The following FGF2 variants were observed in gnomAD, a reference collection of about 807,000 sequenced individuals.
FGF2 encodes the protein fibroblast growth factor 2.
Under a neutral mutation model 15.9 loss-of-function variants are expected in FGF2, and 13 were observed. The ratio of observed to expected loss-of-function variants is 0.82; its 90% CI spans 0.53 to 1.30. FGF2 has a LOEUF of 1.30. FGF2 is among the 50% of genes most tolerant of loss of function. The pLI, the probability that FGF2 is intolerant of heterozygous loss-of-function variation, is 0.00. For synonymous variants in FGF2, 90 were observed against 78.4 expected (o/e 1.15, Z -0.78); for missense variants, 163 against 196.9 (o/e 0.83, Z 1.03).
chr4:122,854,295 T>A (rs889923079), intron 1 of FGF2, among the ~76,000 whole-genome samples: 6 of 152,260 alleles, frequency 3.9e-5, no homozygotes, highest in African/African-American at 1.4e-4. Context: ...GTGCATTTCC[T>A]TTCCAAAAAC....
chr4:122,827,077 C>T lies in FGF2; in HGVS notation c.-98C>T, dbSNP rs953912785. On this transcript the variant is annotated 5_prime_UTR_variant, in exon 1 of 3. Transcript: ENST00000644866. The surrounding 1 kb of genome is among the most constrained non-coding windows in gnomAD (Gnocchi z 4.2). The stretch of plus-strand genomic sequence containing the variant: ...CTGGGGGGCCGGGGCCGGGGCCGTG[C>T]CCCGGAGCGGGTCGGAGGCCGGGGC... 1 of 1,138,822 alleles carries T rather than the reference C, an allele frequency of 8.8e-7. No individual in the cohort carries two copies. The highest frequency in any genetic ancestry group is 1.1e-6 in the Non-Finnish European group (1 of 929,608). 70.5% of individuals were successfully genotyped at this position (1,138,822 alleles called of 1,614,324 possible).
intron 1 of FGF2, among the ~76,000 whole-genome samples, chr4:122,851,107 A>T (rs1019234176): frequency 4.6e-5 from 7 of 152,124 alleles, no homozygotes; most frequent in Non-Finnish European, 8.8e-5. Context: ...TTTTAGTATT[A>T]TTTCAACCTG....
intron 1 of FGF2, among the ~76,000 whole-genome samples, chr4:122,831,223 C>T (rs1320024175): frequency 6.6e-6 from 1 of 152,178 alleles, no homozygotes; most frequent in Non-Finnish European, 1.5e-5. Flanking sequence ...CCCTTGCCTT[C>T]TCTTCCTGCC....
rs185995561 is a variant in FGF2, at chr4:122,830,049, T to A, written c.178+2697T>A. Among the ~76,000 whole-genome samples the A allele has an allele frequency of 6.6e-5, 10 of 152,356 alleles. No homozygotes were observed. The East Asian group carries it at 1.7e-3, about 26-fold the overall frequency. On this transcript the variant is annotated intron_variant, in intron 1 of 2. Transcript: ENST00000644866. ...CTATGGTCTCATTCCTCAGACTGTT[T>A]TGTCCAACTGACCTGAACATCTGTC...
intron 1 of FGF2, among the ~76,000 whole-genome samples, chr4:122,862,697 A>G (rs1726497480): frequency 6.6e-6 from 1 of 152,360 alleles, no homozygotes; most frequent in Admixed American, 6.5e-5. Flanking sequence ...TTGTGTAATG[A>G]TAAGGCTAAG....
intron 2 of FGF2, among the ~76,000 whole-genome samples, chr4:122,881,695 C>T (rs1726963323): frequency 6.6e-6 from 1 of 152,188 alleles, no homozygotes; most frequent in Non-Finnish European, 1.5e-5. Context: ...TCCAAACTTT[C>T]CCACATTTTC....
chr4:122,876,257 A>T, intron 1 of FGF2, 64 bp from the exon 2 acceptor site: 1 of 977,386 alleles, frequency 1.0e-6, no homozygotes, highest in Non-Finnish European at 1.7e-6. Flanking sequence ...TATATTGCGT[A>T]AATATTGTGA....
At chr4:122,854,081 G>A (rs1726289106) in intron 1 of FGF2, among the ~76,000 whole-genome samples, 1 of 152,156 alleles carries the variant, frequency 6.6e-6, no homozygotes, top group Non-Finnish European at 1.5e-5. Context: ...AGATATACTA[G>A]GAACATGGGG....
intron 1 of FGF2, among the ~76,000 whole-genome samples, chr4:122,858,307 A>T (rs775187817): frequency 6.6e-6 from 1 of 152,084 alleles, no homozygotes; most frequent in Non-Finnish European, 1.5e-5. Flanking sequence ...TTTGTAATTT[A>T]TCTGATTATT....
At chr4:122,833,630 C>G (rs1193751158) in intron 1 of FGF2, among the ~76,000 whole-genome samples, 12 of 152,016 alleles carry the variant, frequency 7.9e-5, no homozygotes, top group African/African-American at 2.9e-4. Context: ...TCATAAAAAG[C>G]TCAGTACTTT....
rs1394793361 is a variant in FGF2, at chr4:122,892,654, G to A, written c.*258G>A. On this transcript the variant is annotated 3_prime_UTR_variant, in exon 3 of 3. Coordinates refer to ENST00000644866, the MANE Select transcript of FGF2 (RefSeq NM_001361665.2). ...TACCTAGAGCAATGATCTTTTTCACGCATTTGCTTTATTCGAAAAGAGGCT... is the reference window on the plus strand; with the variant it reads ...TACCTAGAGCAATGATCTTTTTCACACATTTGCTTTATTCGAAAAGAGGCT... 8 of 1,399,534 alleles carry A rather than the reference G, an allele frequency of 5.7e-6. No homozygotes were observed. The highest frequency in any genetic ancestry group is 2.5e-5 in the East Asian group (1 of 39,602). The allele number at this position is 1,399,534 out of a possible 1,614,324, so 86.7% of individuals were successfully genotyped here. A position where few individuals can be genotyped will look rare whatever the true frequency, so the allele number is the denominator to read the frequency against.
chr4:122,853,758 T>A (rs308442), intron 1 of FGF2, among the ~76,000 whole-genome samples: 68,566 of 152,088 alleles, frequency 0.45, 19,812 homozygotes, highest in African/African-American at 0.83. Flanking sequence ...TGCTTGATAC[T>A]CAATGAGTGC....
At chr4:122,826,820 G>A (rs1339295549), upstream of FGF2, 2 of 1,457,670 alleles carry the variant, frequency 1.4e-6, no homozygotes, top group South Asian at 1.4e-5. Flanking sequence ...TGACGCCGCG[G>A]CCCGGCGGGT....
rs1227177922 is a variant in FGF2, at chr4:122,893,290, A to G, written c.*894A>G. The G allele has an allele frequency of 6.9e-7, 1 of 1,456,380 alleles. No individual in the cohort carries two copies. Among genetic ancestry groups the G allele is most frequent in the East Asian group, 2.3e-5 (1 of 43,570 alleles). 90.2% of individuals were successfully genotyped at this position (1,456,380 alleles called of 1,614,324 possible). A position where few individuals can be genotyped will look rare whatever the true frequency, so the allele number is the denominator to read the frequency against. Reference sequence around the variant, plus strand: ...ACTTTTAGAAACTGTATCATCAAAGATTTTCAGTTAAAGTAGCATTATGTA... The same window carrying G: ...ACTTTTAGAAACTGTATCATCAAAGGTTTTCAGTTAAAGTAGCATTATGTA... On this transcript the variant is annotated 3_prime_UTR_variant, in exon 3 of 3. Coordinates refer to ENST00000644866, the MANE Select transcript of FGF2 (RefSeq NM_001361665.2).
chr4:122,892,520 T>C lies in FGF2; in HGVS notation c.*124T>C. On this transcript the variant is annotated 3_prime_UTR_variant, in exon 3 of 3. Coordinates refer to ENST00000644866, the MANE Select transcript of FGF2 (RefSeq NM_001361665.2). ...TTTGGATAATTGGTCAAACAATTTT[T>C]TATCCAGTAGTAAAATATGTAACCA... 6.6e-7 allele frequency: 1 copy of C among 1,525,510 alleles called. No homozygotes were observed. Among genetic ancestry groups the C allele is most frequent in the Non-Finnish European group, 8.8e-7 (1 of 1,138,590 alleles). 94.5% of individuals were successfully genotyped at this position (1,525,510 alleles called of 1,614,324 possible). A position where few individuals can be genotyped will look rare whatever the true frequency, so the allele number is the denominator to read the frequency against.
intron 2 of FGF2, among the ~76,000 whole-genome samples, chr4:122,878,860 G>T (rs1726908369): frequency 1.3e-5 from 2 of 152,170 alleles, no homozygotes. Flanking sequence ...GTTTGGGTGA[G>T]AAGGTAGACG....
intron 2 of FGF2, chr4:122,888,713 C>G (rs1386340603): frequency 6.6e-6 from 1 of 152,236 alleles, no homozygotes; most frequent in Admixed American, 6.5e-5. Flanking sequence ...TCAAATGTCA[C>G]TTTCTCAATG....
At chr4:122,841,377 T>C (rs1229953247) in intron 1 of FGF2, among the ~76,000 whole-genome samples, 4 of 152,234 alleles carry the variant, frequency 2.6e-5, no homozygotes. Context: ...CACTCCTTAG[T>C]CATGGCATTT....
intron 1 of FGF2, among the ~76,000 whole-genome samples, chr4:122,829,807 T>C (rs886666137): frequency 1.3e-5 from 2 of 152,144 alleles, no homozygotes; most frequent in African/African-American, 2.4e-5. Context: ...AATGACAAAT[T>C]TCATCTATTT....
Sources: allele counts gnomAD v4.1 joint callset (sites outside exome capture counted in the v4.1 genomes callset), GRCh38; gene constraint gnomAD v4.1.1; non-coding constraint Gnocchi (gnomAD v3.1); transcripts MANE v1.5; gene names NCBI Gene and HGNC (gene_info 2026-07-23, HGNC 2026-07-21).